NLRP11: variants seen among roughly 807,000 people sequenced by gnomAD.
NLRP11 encodes NLR family pyrin domain containing 11.
Under a neutral mutation model 79.3 loss-of-function variants are expected in NLRP11, and 53 were observed. The observed-to-expected ratio is 0.67, with a 90% confidence interval of 0.54 to 0.84. NLRP11 has a LOEUF of 0.84. Ranked by LOEUF, NLRP11 falls within the 40% of genes least tolerant of loss-of-function variation. The probability of loss-of-function intolerance (pLI) is 0.00; values close to 1 mark genes in which losing one functional copy is unlikely to be tolerated. For missense variants in NLRP11, 1,264 were observed against 1,255.0 expected (o/e 1.01, Z -0.11); for synonymous variants, 518 against 462.6 (o/e 1.12, Z -1.54).
intron 1 of NLRP11, among the ~76,000 whole-genome samples, chr19:55,821,209 A>T (rs79830148): frequency 0.26 from 30,732 of 118,242 alleles, 4,081 homozygotes; most frequent in African/African-American, 0.5. Flanking sequence ...TCTCTCTCAC[A>T]CACACACACA....
chr19:55,817,324 G>A (rs10420113), intron 2 of NLRP11, among the ~76,000 whole-genome samples: 6,671 of 152,160 alleles, frequency 0.044, 501 homozygotes, highest in African/African-American at 0.15. Flanking sequence ...CCACTACTGT[G>A]TATCTACCCA....
At chr19:55,805,831 C>T (rs1979936979) in intron 4 of NLRP11, among the ~76,000 whole-genome samples, 1 of 152,204 alleles carries the variant, frequency 6.6e-6, no homozygotes, top group South Asian at 2.1e-4. Flanking sequence ...TGAGCCACTG[C>T]ACCCGCCCTA....
exon 7 of NLRP11, chr19:55,792,408 G>A: frequency 6.2e-7 from 1 of 1,613,974 alleles, no homozygotes; most frequent in Non-Finnish European, 8.5e-7. Context: ...TTAGAGTTGG[G>A]CTGAACAGAA....
rs554541722 is a variant in NLRP11, at chr19:55,822,863, A to C, written c.-62-4627T>G. ...GGGCGCCCGCCATTGCCCAGGCTTG[A>C]TTAGGTAAACAAAGCAGCCAGGAAG... On this transcript the variant is annotated intron_variant, in intron 1 of 9. Coordinates refer to ENST00000589093, the Ensembl canonical transcript of NLRP11. Among the ~76,000 whole-genome samples, 1,117 of 152,306 alleles carry C rather than the reference A, an allele frequency of 7.3e-3. 9 individuals are homozygous for C. The highest frequency in any genetic ancestry group is 0.015 in the Admixed American group (237 of 15,308).
At chr19:55,831,045 CAA>C (rs1200066476) in intron 1 of NLRP11, among the ~76,000 whole-genome samples, 8 of 151,622 alleles carry the variant, frequency 5.3e-5, no homozygotes, top group Admixed American at 6.6e-5. Flanking sequence ...ATTCAGCACT[CAA>C]AGTTAAGAAT....
chr19:55,822,092 C>G (rs1049761806), intron 1 of NLRP11, among the ~76,000 whole-genome samples: 5 of 152,056 alleles, frequency 3.3e-5, no homozygotes, highest in Admixed American at 6.6e-5. Context: ...AACCCCATCT[C>G]TACTAAAAAT....
chr19:55,797,490 G>A (rs1018623330), intron 5 of NLRP11, among the ~76,000 whole-genome samples: 1 of 152,156 alleles, frequency 6.6e-6, no homozygotes, highest in Non-Finnish European at 1.5e-5. Flanking sequence ...CTGGGATACA[G>A]CAGAAAACTG....
At chr19:55,821,177 C>T (rs1203518257) in intron 1 of NLRP11, among the ~76,000 whole-genome samples, 1 of 147,974 alleles carries the variant, frequency 6.8e-6, no homozygotes, top group Admixed American at 6.8e-5. Flanking sequence ...GGAGAGGATG[C>T]CTATGTGACC....
At chr19:55,814,915 T>C (rs1980940585) in intron 2 of NLRP11, among the ~76,000 whole-genome samples, 1 of 152,156 alleles carries the variant, frequency 6.6e-6, no homozygotes. Flanking sequence ...AGGGAGATGG[T>C]GAGTGAGCAA....
At chr19:55,800,235 C>T (rs563223003) in intron 5 of NLRP11, among the ~76,000 whole-genome samples, 1 of 152,258 alleles carries the variant, frequency 6.6e-6, no homozygotes, top group East Asian at 1.9e-4. Flanking sequence ...CTACTGAGCA[C>T]TCAAAGCGTG....
chr19:55,821,205 T>TCACACACA (rs950312294), intron 1 of NLRP11, among the ~76,000 whole-genome samples: 50 of 85,240 alleles, frequency 5.9e-4, no homozygotes, highest in Admixed American at 1.0e-3. Context: ...TCTCTCTCTC[T>TCACACACA]CACACACACA....
intron 1 of NLRP11, among the ~76,000 whole-genome samples, chr19:55,819,254 G>A (rs1025552651): frequency 7.3e-5 from 11 of 150,824 alleles, no homozygotes; most frequent in African/African-American, 2.7e-4. Flanking sequence ...TCCTGAGTAG[G>A]GACCCACACA....
At chr19:55,808,152 G>A in intron 3 of NLRP11, 138 bp from the exon 4 acceptor site, 1 of 569,074 alleles carries the variant, frequency 1.8e-6, no homozygotes, top group South Asian at 2.7e-5. Context: ...AAATAAAGTA[G>A]GGTCAAACAT....
At position 55,809,641 on chromosome 19, in the gene NLRP11, G is replaced by A. The variant is rs1328833674; in HGVS notation, c.969C>T (p.Leu323=). The stretch of plus-strand genomic sequence containing the variant: ...GTATTTCATCCTCATGTACAAGCTG[G>A]AGGGCTGCCGACGCCCTCTGGCGGT... The change falls in exon 3 of 10, where the codon CTC becomes CTT. Residue 323 remains leucine (L), a synonymous_variant. Coordinates refer to ENST00000589093, the Ensembl canonical transcript of NLRP11. The surrounding 1 kb of genome is among the most constrained non-coding windows in gnomAD (Gnocchi z 4.5). 1.9e-6 allele frequency: 3 copies of A among 1,614,084 alleles called. No homozygotes were observed. Among genetic ancestry groups the A allele is most frequent in the African/African-American group, 1.3e-5 (1 of 74,928 alleles).
chr19:55,828,442 T>C (rs1488758095), intron 1 of NLRP11, among the ~76,000 whole-genome samples: 1 of 152,122 alleles, frequency 6.6e-6, no homozygotes, highest in African/African-American at 2.4e-5. Context: ...TTTATCAGAC[T>C]GCAAAGTTAG....
At chr19:55,802,488 C>T (rs1979574642) in intron 4 of NLRP11, among the ~76,000 whole-genome samples, 1 of 152,090 alleles carries the variant, frequency 6.6e-6, no homozygotes, top group Non-Finnish European at 1.5e-5. Flanking sequence ...AGGAGAATTA[C>T]AAAACACTGC....
intron 1 of NLRP11, among the ~76,000 whole-genome samples, chr19:55,831,077 A>T (rs1260367495): frequency 7.1e-6 from 1 of 141,398 alleles, no homozygotes; most frequent in Non-Finnish European, 1.5e-5. Flanking sequence ...AACTAAAAAT[A>T]ACATGTTAAG....
At chr19:55,818,321 T>C (rs984014966) in intron 1 of NLRP11, 85 bp from the exon 2 acceptor site, 18 of 655,612 alleles carry the variant, frequency 2.7e-5, no homozygotes, top group Admixed American at 8.8e-5. Context: ...ATTCCTGTGG[T>C]GTGATAGAAG....
intron 2 of NLRP11, among the ~76,000 whole-genome samples, chr19:55,813,314 T>A (rs530593745): frequency 1.7e-4 from 26 of 152,014 alleles, no homozygotes; most frequent in East Asian, 5.8e-4. Context: ...GGAAAAAAAA[T>A]TTTTTAAAGC....
Sources: gnomAD v4.1 joint callset for allele counts (sites outside exome capture counted in the v4.1 genomes callset) on GRCh38, gnomAD v4.1.1 for gene constraint, Gnocchi (gnomAD v3.1) non-coding constraint, MANE v1.5 for transcripts, NCBI Gene and HGNC (gene_info 2026-07-23, HGNC 2026-07-21) for gene names.